PTPRM: variants seen among roughly 807,000 people sequenced by gnomAD.
PTPRM encodes the protein receptor-type tyrosine-protein phosphatase mu.
PTPRM carries 47 observed loss-of-function variants against 186.7 expected under a neutral mutation model. That is an observed-to-expected ratio of 0.25 (90% CI 0.20 to 0.32). The LOEUF (loss-of-function observed/expected upper bound fraction) is 0.32. PTPRM is among the 10% of genes least tolerant of loss of function. PTPRM has a pLI of 1.00. For synonymous variants in PTPRM, 668 were observed against 674.9 expected (o/e 0.99, Z 0.16); for missense variants, 1,494 against 1,865.0 (o/e 0.80, Z 3.66).
At chr18:8,266,115 C>T (rs183594401) in intron 19 of PTPRM, among the ~76,000 whole-genome samples, 10 of 152,170 alleles carry the variant, frequency 6.6e-5, no homozygotes, top group East Asian at 3.9e-4. Context: ...CAGCCTCTTC[C>T]GAATCTCACT....
At chr18:7,889,133 T>A (rs1252648256) in intron 3 of PTPRM, among the ~76,000 whole-genome samples, 1 of 152,080 alleles carries the variant, frequency 6.6e-6, no homozygotes, top group East Asian at 1.9e-4. Context: ...AATAAATAAA[T>A]AAATAAATTT....
At chr18:7,772,432 CCCTTCCCCTTCCCCTT>C (rs2042361332) in intron 1 of PTPRM, among the ~76,000 whole-genome samples, 2 of 125,898 alleles carry the variant, frequency 1.6e-5, no homozygotes, top group African/African-American at 6.7e-5. Flanking sequence ...TTCTCCCTTC[CCCTTCCCCTTCCCCTT>C]CCTTCCTTCC....
intron 1 of PTPRM, among the ~76,000 whole-genome samples, chr18:7,757,426 C>G (rs1266805040): frequency 2.0e-5 from 3 of 152,330 alleles, no homozygotes; most frequent in East Asian, 1.9e-4. Context: ...TGAGTGTTCT[C>G]TAAGGTCAGC....
intron 7 of PTPRM, among the ~76,000 whole-genome samples, chr18:7,973,538 A>G (rs1045729857): frequency 6.6e-6 from 1 of 152,086 alleles, no homozygotes; most frequent in Non-Finnish European, 1.5e-5. Context: ...TGTCCTTAGG[A>G]TGCTTTCTAA....
chr18:7,852,531 C>G (rs948098624), intron 2 of PTPRM, among the ~76,000 whole-genome samples: 2 of 151,824 alleles, frequency 1.3e-5, no homozygotes, highest in Non-Finnish European at 1.5e-5. Flanking sequence ...ACTAAAAATA[C>G]AAAAAAATTA....
chr18:7,952,253 C>T (rs1265655373), intron 6 of PTPRM, among the ~76,000 whole-genome samples: 1 of 152,194 alleles, frequency 6.6e-6, no homozygotes, highest in Non-Finnish European at 1.5e-5. Flanking sequence ...CCATTACTGG[C>T]TTGATTTAGA....
chr18:8,399,488 C>T (rs191070416), intron 32 of PTPRM, among the ~76,000 whole-genome samples: 1 of 152,272 alleles, frequency 6.6e-6, no homozygotes, highest in African/African-American at 2.4e-5. Context: ...TGAATTATAT[C>T]TCAACAAAGC....
chr18:8,125,771 C>G (rs1292656432), intron 13 of PTPRM, among the ~76,000 whole-genome samples: 1 of 151,744 alleles, frequency 6.6e-6, no homozygotes, highest in Non-Finnish European at 1.5e-5. Context: ...TAGTCTCTTT[C>G]TTCCTTTTAT....
Position 8,069,998 on chromosome 18 carries a change from A to C in PTPRM, c.1441+4A>C. On this transcript the variant is annotated splice_donor_region_variant and intron_variant, in intron 8 of 32. Transcript: ENST00000580170. ...ATAGTGCAGACAGATGAAGACCGTGAGTACCTTTGAATGATATGTTTGTGT... is the reference window on the plus strand; with the variant it reads ...ATAGTGCAGACAGATGAAGACCGTGCGTACCTTTGAATGATATGTTTGTGT... The C allele has an allele frequency of 6.2e-7, 1 of 1,606,766 alleles. No homozygotes were observed. Among genetic ancestry groups the C allele is most frequent in the Middle Eastern group, 1.7e-4 (1 of 6,016 alleles).
At chr18:8,306,131 A>T (rs796888837) in intron 20 of PTPRM, among the ~76,000 whole-genome samples, 5 of 152,178 alleles carry the variant, frequency 3.3e-5, no homozygotes, top group African/African-American at 9.6e-5. Context: ...TCCCGACCTG[A>T]GGTGATCCGC....
chr18:8,326,902 T>C (rs1262108315), intron 22 of PTPRM, among the ~76,000 whole-genome samples: 1 of 152,214 alleles, frequency 6.6e-6, no homozygotes, highest in East Asian at 1.9e-4. Context: ...AAGGGGCCTT[T>C]TCTTTTTAAT....
At chr18:8,050,632 C>G (rs114674110) in intron 7 of PTPRM, among the ~76,000 whole-genome samples, 2,032 of 152,220 alleles carry the variant, frequency 0.013, 45 homozygotes, top group African/African-American at 0.046. Flanking sequence ...TCAGTGTGCA[C>G]AGCATATACG....
At chr18:7,628,146 T>C (rs899989728) in intron 1 of PTPRM, among the ~76,000 whole-genome samples, 2 of 152,008 alleles carry the variant, frequency 1.3e-5, no homozygotes, top group Non-Finnish European at 2.9e-5. Context: ...AGAGTGAGAC[T>C]CCATCACACA....
At chr18:7,853,612 T>C (rs2046965319) in intron 2 of PTPRM, among the ~76,000 whole-genome samples, 2 of 152,254 alleles carry the variant, frequency 1.3e-5, no homozygotes, top group Non-Finnish European at 2.9e-5. Context: ...TTTCTGAATC[T>C]TCTCTTCTTC....
chr18:8,168,602 T>C (rs577796825), intron 14 of PTPRM, among the ~76,000 whole-genome samples: 1 of 152,342 alleles, frequency 6.6e-6, no homozygotes, highest in South Asian at 2.1e-4. Context: ...ATAACTGTTT[T>C]CTAAAGTTCT....
intron 14 of PTPRM, 57 bp from the exon 15 acceptor site, chr18:8,244,001 C>G: frequency 6.6e-7 from 1 of 1,514,192 alleles, no homozygotes; most frequent in Non-Finnish European, 9.0e-7. Flanking sequence ...ATATACATGC[C>G]AAAGCTCTGT....
rs146241986 is a variant in PTPRM, at chr18:7,589,605, G to T, written c.73+21714G>T. 3.2e-3 allele frequency among the ~76,000 whole-genome samples: 489 copies of T among 152,254 alleles called. 3 individuals carry two copies. The highest frequency in any genetic ancestry group is 0.014 in the Middle Eastern group (4 of 294). ...GCAGAAATCAAGCTGGTGAATTCTGGTTTACAATATAGTAACTCAATTCTG... is the reference window on the plus strand; with the variant it reads ...GCAGAAATCAAGCTGGTGAATTCTGTTTTACAATATAGTAACTCAATTCTG... On this transcript the variant is annotated intron_variant, in intron 1 of 32. Coordinates refer to ENST00000580170, the MANE Select transcript of PTPRM (RefSeq NM_001105244.2).
At chr18:8,126,051 T>G (rs1410750575) in intron 13 of PTPRM, among the ~76,000 whole-genome samples, 1 of 122,412 alleles carries the variant, frequency 8.2e-6, no homozygotes, top group Non-Finnish European at 1.6e-5. Context: ...GACCTTTCCA[T>G]TGCAAATAAA....
At chr18:7,801,188 A>C (rs914434699) in intron 2 of PTPRM, among the ~76,000 whole-genome samples, 5 of 152,008 alleles carry the variant, frequency 3.3e-5, no homozygotes, top group African/African-American at 1.2e-4. Context: ...TTTTTAAAAA[A>C]ACTTTGACTT....
Sources: allele counts gnomAD v4.1 joint callset (sites outside exome capture counted in the v4.1 genomes callset), GRCh38; gene constraint gnomAD v4.1.1; transcripts MANE v1.5; gene names NCBI Gene and HGNC (gene_info 2026-07-23, HGNC 2026-07-21).